Variants in ADCY3 observed in about 807,000 individuals in gnomAD.
ADCY3 encodes the protein adenylate cyclase 3.
In ADCY3, 70 loss-of-function variants were observed where a neutral mutation model predicts 119.4. That is an observed-to-expected ratio of 0.59 (90% CI 0.48 to 0.72). The LOEUF is 0.72. Among genes scored for constraint, ADCY3 ranks in the 30% least tolerant of loss-of-function variants. ADCY3 has a pLI of 0.00. For missense variants in ADCY3, 1,238 were observed against 1,541.6 expected, an observed-to-expected ratio of 0.80 and a Z score of 3.30; for synonymous variants, 672 against 621.4, an observed-to-expected ratio of 1.08 and a Z score of -1.21.
intron 2 of ADCY3, among the ~76,000 whole-genome samples, chr2:24,877,232 C>T (rs561308394): frequency 7.2e-4 from 109 of 152,238 alleles, no homozygotes; most frequent in Non-Finnish European, 1.1e-3. Context: ...GGAAGCCTCA[C>T]GCTGTTGGGT....
chr2:24,820,620 C>T (rs1047652692), intron 21 of ADCY3, 104 bp downstream of exon 21: 4 of 1,544,822 alleles, frequency 2.6e-6, no homozygotes, highest in Non-Finnish European at 2.6e-6. Flanking sequence ...TCTGGACTTA[C>T]TGTTCAGGGC....
rs1279590273 is a variant in ADCY3, at chr2:24,834,900, G to A, written c.1699C>T (p.Leu567=). The A allele has an allele frequency of 6.2e-7, 1 of 1,613,868 alleles. No individual in the cohort carries two copies. Residue 567 remains leucine (L), a synonymous_variant, in exon 10 of 22, where the codon CTG becomes TTG. Coordinates refer to ENST00000679454, the MANE Select transcript of ADCY3 (RefSeq NM_004036.5). This position sits in a 1 kb window ranked among gnomAD's most constrained non-coding sequence, Gnocchi z 4.2. ...NPSFPNPRRR[L]RLQDLADRVV... ...CGGTCAGCCAGGTCCTGCAGGCGCAGCCTCCGGCGTGGGTTGGGGAATGAG... is the reference window on the plus strand; with the variant it reads ...CGGTCAGCCAGGTCCTGCAGGCGCAACCTCCGGCGTGGGTTGGGGAATGAG...
At chr2:24,906,271 C>T (rs745809813) in intron 2 of ADCY3, among the ~76,000 whole-genome samples, 5 of 150,612 alleles carry the variant, frequency 3.3e-5, no homozygotes, top group Non-Finnish European at 5.9e-5. Context: ...GATGCCACTG[C>T]ACTCCAGCCT....
intron 17 of ADCY3, among the ~76,000 whole-genome samples, chr2:24,823,580 G>A (rs556408442): frequency 2.0e-5 from 3 of 149,834 alleles, no homozygotes; most frequent in East Asian, 2.0e-4. Context: ...AGGTATGATC[G>A]AAGCACACTG....
chr2:24,858,370 T>G (rs562439531), intron 3 of ADCY3, among the ~76,000 whole-genome samples: 54 of 152,158 alleles, frequency 3.5e-4, no homozygotes, highest in Admixed American at 6.5e-4. Context: ...TAGAAAATGT[T>G]AACACTCTGG....
chr2:24,829,919 T>C (rs1056479646), intron 13 of ADCY3, among the ~76,000 whole-genome samples: 2 of 151,426 alleles, frequency 1.3e-5, no homozygotes, highest in African/African-American at 4.9e-5. Context: ...CTCCTGTCCC[T>C]TTTCCCCAAG....
In ADCY3 at chr2:24,844,625, G is replaced by C. The variant is rs183699783; in HGVS notation, c.826-2241C>G. On this transcript the variant is annotated intron_variant, in intron 3 of 21. Transcript: ENST00000679454. ...GTCCCCAGAGTCTGCTGTTGTACTTGGGCCCTCAGCACCTGGTAAACCAGA... is the reference window on the plus strand; with the variant it reads ...GTCCCCAGAGTCTGCTGTTGTACTTCGGCCCTCAGCACCTGGTAAACCAGA... 1.3e-4 allele frequency among the ~76,000 whole-genome samples: 20 copies of C among 152,244 alleles called. No individual in the cohort carries two copies. The Middle Eastern group carries it at 0.01, about 78-fold the overall frequency.
At chr2:24,897,099 G>A (rs1393155800) in intron 2 of ADCY3, among the ~76,000 whole-genome samples, 1 of 152,002 alleles carries the variant, frequency 6.6e-6, no homozygotes, top group Non-Finnish European at 1.5e-5. Flanking sequence ...ATGACATCAT[G>A]GTAGATCAGA....
rs554025756 is a variant in ADCY3 at position 24,855,428 on chromosome 2, G to T, written c.826-13044C>A. Among the ~76,000 whole-genome samples, 477 of 152,326 alleles carry T rather than the reference G, an allele frequency of 3.1e-3. 9 individuals carry two copies. The highest frequency in any genetic ancestry group is 0.011 in the African/African-American group (453 of 41,570). ...TTCCCAGAAACCGAGAGAGAAGACTGCGGGAAGAGCCGAGCAGGGGTGGAA... is the reference window on the plus strand; with the variant it reads ...TTCCCAGAAACCGAGAGAGAAGACTTCGGGAAGAGCCGAGCAGGGGTGGAA... On this transcript the variant is annotated intron_variant, in intron 3 of 21. Coordinates refer to ENST00000679454, the MANE Select transcript of ADCY3 (RefSeq NM_004036.5).
intron 15 of ADCY3, 155 bp from the exon 16 acceptor site, chr2:24,826,281 G>C: frequency 1.5e-6 from 1 of 648,464 alleles, no homozygotes; most frequent in Non-Finnish European, 2.7e-6. Flanking sequence ...GGCTCCCCCG[G>C]GCAGTAAAAT....
chr2:24,820,404 C>T (rs1026148935), intron 21 of ADCY3: 4 of 1,313,884 alleles, frequency 3.0e-6, no homozygotes, highest in Non-Finnish European at 3.9e-6. Context: ...CCACTGCCTG[C>T]TCTTCTGTCC....
At chr2:24,833,225 TG>T (rs1669832312) in intron 11 of ADCY3, among the ~76,000 whole-genome samples, 1 of 152,098 alleles carries the variant, frequency 6.6e-6, no homozygotes, top group Admixed American at 6.5e-5. Flanking sequence ...GTGTTAAGAG[TG>T]GAAGCTGGCA....
At chr2:24,820,514 C>A in intron 21 of ADCY3, 2 of 1,410,838 alleles carry the variant, frequency 1.4e-6, no homozygotes, top group Non-Finnish European at 1.8e-6. Flanking sequence ...GCATCTAGAA[C>A]TTCAGCCCAG....
intron 2 of ADCY3, among the ~76,000 whole-genome samples, chr2:24,907,582 A>G (rs11689546): frequency 0.52 from 79,202 of 151,968 alleles, 22,803 homozygotes; most frequent in African/African-American, 0.78. Flanking sequence ...CCTGCTCAGA[A>G]GAAGGAAGAG....
rs980190726 is a variant in ADCY3, at chr2:24,899,174, C to T, written c.675+19139G>A. On this transcript the variant is annotated intron_variant, in intron 2 of 21. Transcript: ENST00000679454. This position sits in a 1 kb window ranked among gnomAD's most constrained non-coding sequence, Gnocchi z 4.5. The stretch of plus-strand genomic sequence containing the variant: ...TAGGCAACTCCCTAGGCAGCTGACC[C>T]ACAGAGGCCCAGGGAGGTCAGCTGC... Among the ~76,000 whole-genome samples the T allele has an allele frequency of 6.6e-6, 1 of 152,170 alleles. No individual in the cohort carries two copies. The highest frequency in any genetic ancestry group is 2.1e-4 in the South Asian group (1 of 4,828).
chr2:24,844,755 G>A (rs1209099118), intron 3 of ADCY3, among the ~76,000 whole-genome samples: 2 of 152,228 alleles, frequency 1.3e-5, no homozygotes, highest in Admixed American at 6.5e-5. Context: ...CACACCATTA[G>A]GACAAGGTGA....
intron 19 of ADCY3, 36 bp from the exon 20 acceptor site, chr2:24,821,676 C>CGCTCACTGCAGCAGCCT (rs1430208511): frequency 5.0e-6 from 8 of 1,609,520 alleles, no homozygotes; most frequent in Non-Finnish European, 6.8e-6. Flanking sequence ...TGTCAGGGGC[C>CGCTCACTGCAGCAGCCT]GCTCACTGCA....
Position 24,819,961 on chromosome 2 carries a change from G to T in ADCY3, c.3406C>A (p.Leu1136Met). 2 of 1,613,956 alleles carry T rather than the reference G, an allele frequency of 1.2e-6. No individual in the cohort carries two copies. The highest frequency in any genetic ancestry group is 1.7e-6 in the Non-Finnish European group (2 of 1,179,920). ...GAGTTGTCCACCACCTGGTGGGGCA[G>T]TGTGACAGAGGGGCCATTGGGGAAG... The part of the protein sequence containing the change: ...ATFPNGPSVT[L>M]PHQVVDNS The change falls in exon 22 of 22, where the codon CTG becomes ATG. Residue 1136 changes from leucine to methionine, a missense_variant. This residue lies in a region of ADCY3 where 86 missense variants were observed against 70.7 expected (regional missense o/e 1.22). Coordinates refer to ENST00000679454, the MANE Select transcript of ADCY3 (RefSeq NM_004036.5).
chr2:24,855,246 T>C (rs1672859923), intron 3 of ADCY3, among the ~76,000 whole-genome samples: 1 of 151,122 alleles, frequency 6.6e-6, no homozygotes, highest in Non-Finnish European at 1.5e-5. Flanking sequence ...AAAGCTGCTA[T>C]GTAGAAAAGG....
Sources: gnomAD v4.1 joint callset for allele counts (sites outside exome capture counted in the v4.1 genomes callset) on GRCh38, gnomAD v4.1.1 for gene constraint, gnomAD v4.1.1 regional missense constraint, Gnocchi (gnomAD v3.1) non-coding constraint, MANE v1.5 for transcripts, NCBI Gene and HGNC (gene_info 2026-07-23, HGNC 2026-07-21) for gene names.